OTOGL: variants seen among roughly 807,000 people sequenced by gnomAD.
The protein encoded by OTOGL is otogelin-like protein.
OTOGL carries 285 observed loss-of-function variants against 318.5 expected under a neutral mutation model. The ratio of observed to expected loss-of-function variants is 0.89; its 90% CI spans 0.81 to 0.99. The LOEUF (loss-of-function observed/expected upper bound fraction) is 0.99, where lower values mean the gene tolerates loss of function less well. Ranked by LOEUF, OTOGL falls within the 50% of genes least tolerant of loss-of-function variation. The probability of loss-of-function intolerance (pLI) is 0.00; values close to 1 mark genes in which losing one functional copy is unlikely to be tolerated. For synonymous variants in OTOGL, 987 were observed against 936.5 expected (o/e 1.05, Z -0.99); for missense variants, 2,899 against 2,845.6 (o/e 1.02, Z -0.43).
chr12:80,371,123 A>G (rs952114068), intron 56 of OTOGL, among the ~76,000 whole-genome samples: 1 of 152,130 alleles, frequency 6.6e-6, no homozygotes, highest in Non-Finnish European at 1.5e-5. Context: ...TCACTGAAAA[A>G]TTTAGTACAA....
At chr12:80,377,524 C>T (rs113254683) in intron 58 of OTOGL, among the ~76,000 whole-genome samples, 24 of 152,052 alleles carry the variant, frequency 1.6e-4, no homozygotes, top group Non-Finnish European at 1.3e-4. Flanking sequence ...TTTAATATGA[C>T]CTGCAGTGTG....
chr12:80,377,935 T>A lies in OTOGL; in HGVS notation c.6949T>A (p.Cys2317Ser). The A allele has an allele frequency of 6.2e-7, 1 of 1,610,618 alleles. No homozygotes were observed. The highest frequency in any genetic ancestry group is 8.5e-7 in the Non-Finnish European group (1 of 1,177,970). ...AAGTCACCTAAGATTCTGCAAGTGT[T>A]GTCGTGAAAATGGAGTACGAAACTT... is the stretch of plus-strand genomic sequence containing the variant. ...IESHLRFCKC[C>S]RENGVRNLSV... The change falls in exon 59 of 59, where the codon TGT (cysteine) becomes AGT (serine). Residue 2317 changes from cysteine to serine, a missense_variant. This residue lies in a region of OTOGL where 289 missense variants were observed against 304.6 expected (regional missense o/e 0.95). Coordinates refer to ENST00000547103, the MANE Select transcript of OTOGL (RefSeq NM_001378609.3).
intron 1 of OTOGL, among the ~76,000 whole-genome samples, chr12:80,125,981 A>C (rs1391709350): frequency 2.0e-5 from 3 of 152,048 alleles, no homozygotes; most frequent in African/African-American, 7.2e-5. Flanking sequence ...TGATCTTTTC[A>C]AAAAACAAGC....
intron 1 of OTOGL, among the ~76,000 whole-genome samples, chr12:80,134,208 T>C (rs1478336675): frequency 2.0e-5 from 3 of 152,220 alleles, no homozygotes; most frequent in African/African-American, 7.2e-5. Flanking sequence ...CAGATTCATC[T>C]TCCTGTTCTA....
chr12:80,239,072 C>T (rs1258215751), intron 10 of OTOGL, 94 bp downstream of exon 10: 27 of 1,316,172 alleles, frequency 2.1e-5, no homozygotes, highest in Middle Eastern at 1.9e-4. Flanking sequence ...GTAAACACAA[C>T]ATAATTTAAA....
intron 35 of OTOGL, among the ~76,000 whole-genome samples, chr12:80,328,319 A>C (rs949975513): frequency 6.7e-6 from 1 of 148,752 alleles, no homozygotes; most frequent in African/African-American, 2.5e-5. Context: ...ACCCTGTCAC[A>C]AACAACAACA....
At chr12:80,278,329 C>T in intron 25 of OTOGL, 54 bp downstream of exon 25, 1 of 1,329,318 alleles carries the variant, frequency 7.5e-7, no homozygotes, top group African/African-American at 1.5e-5. Context: ...GTGTAAATTT[C>T]AATCATCTTT....
At chr12:80,265,759 G>A (rs1207082240) in intron 20 of OTOGL, 1 of 156,022 alleles carries the variant, frequency 6.4e-6, no homozygotes, top group African/African-American at 2.4e-5. Context: ...TAGGTTTTGG[G>A]GGTACCACTC....
chr12:80,355,215 T>A (rs1889795424), intron 46 of OTOGL, among the ~76,000 whole-genome samples: 1 of 102,062 alleles, frequency 9.8e-6, no homozygotes, highest in South Asian at 3.5e-4. Flanking sequence ...TTCTTTTCTT[T>A]CTTTCTTTCT....
chr12:80,256,244 C>T, intron 16 of OTOGL, 93 bp from the exon 17 acceptor site: 4 of 1,365,340 alleles, frequency 2.9e-6, no homozygotes, highest in South Asian at 1.5e-5. Context: ...CTCTTTCTCC[C>T]CTTCTCCCTT....
chr12:80,305,054 G>A (rs1190259260), intron 28 of OTOGL, among the ~76,000 whole-genome samples: 3 of 152,158 alleles, frequency 2.0e-5, no homozygotes, highest in African/African-American at 7.2e-5. Flanking sequence ...CAGGAAGGGG[G>A]ATGTGGAAAA....
intron 26 of OTOGL, among the ~76,000 whole-genome samples, chr12:80,285,460 A>C (rs1013767887): frequency 6.6e-6 from 1 of 152,128 alleles, no homozygotes; most frequent in Non-Finnish European, 1.5e-5. Flanking sequence ...TCTATAAATT[A>C]CTTTGGGCAG....
At chr12:80,270,022 T>A in intron 22 of OTOGL, 80 bp from the exon 23 acceptor site, 5 of 1,134,674 alleles carry the variant, frequency 4.4e-6, no homozygotes, top group Admixed American at 4.8e-5. Context: ...TTCTTGTACG[T>A]TAGATTGTTG....
At chr12:80,178,061 CTTTT>C (rs71094968) in intron 1 of OTOGL, among the ~76,000 whole-genome samples, 20 of 74,952 alleles carry the variant, frequency 2.7e-4, no homozygotes, top group South Asian at 1.7e-3. Flanking sequence ...TTCTTTCTTT[CTTTT>C]TTTTTTTTTT....
chr12:80,309,206 C>G (rs1004283144), intron 29 of OTOGL, among the ~76,000 whole-genome samples: 2 of 152,100 alleles, frequency 1.3e-5, no homozygotes, highest in African/African-American at 2.4e-5. Flanking sequence ...AAATCACAGT[C>G]TTTGCCTTTA....
chr12:80,142,261 C>A (rs186146480), intron 1 of OTOGL, among the ~76,000 whole-genome samples: 23 of 152,198 alleles, frequency 1.5e-4, no homozygotes, highest in Non-Finnish European at 3.1e-4. Context: ...AGATTGACAG[C>A]ACATCCCAAT....
intron 1 of OTOGL, among the ~76,000 whole-genome samples, chr12:80,167,236 T>C (rs1039781408): frequency 1.3e-5 from 2 of 151,718 alleles, no homozygotes; most frequent in African/African-American, 4.8e-5. Flanking sequence ...CTTAGTAGAG[T>C]GAAGGGTGCA....
At chr12:80,270,616 A>G (rs1478571170) in intron 23 of OTOGL, among the ~76,000 whole-genome samples, 1 of 152,174 alleles carries the variant, frequency 6.6e-6, no homozygotes, top group East Asian at 1.9e-4. Flanking sequence ...CTACATTTCT[A>G]TCAGTGACCA....
intron 57 of OTOGL, among the ~76,000 whole-genome samples, chr12:80,376,757 T>G (rs551079957): frequency 4.6e-5 from 7 of 152,290 alleles, no homozygotes; most frequent in African/African-American, 1.7e-4. Flanking sequence ...ATATATCTAC[T>G]TATACACTTT....
Sources: allele counts gnomAD v4.1 joint callset (sites outside exome capture counted in the v4.1 genomes callset), GRCh38; gene constraint gnomAD v4.1.1; regional missense constraint gnomAD v4.1.1; transcripts MANE v1.5; gene names NCBI Gene and HGNC (gene_info 2026-07-23, HGNC 2026-07-21).